WDR7: variants seen among roughly 807,000 people sequenced by gnomAD.
WDR7 encodes the protein WD repeat-containing protein 7.
A neutral mutation model predicts 169.4 loss-of-function variants in WDR7; 46 were observed. The observed-to-expected ratio is 0.27, with a 90% confidence interval of 0.21 to 0.35. WDR7 has a LOEUF of 0.35. WDR7 is among the 10% of genes least tolerant of loss of function. WDR7 has a pLI of 1.00. For synonymous variants in WDR7, 612 were observed against 666.8 expected, an observed-to-expected ratio of 0.92 and a Z score of 1.27; for missense variants, 1,534 against 1,859.3, an observed-to-expected ratio of 0.83 and a Z score of 3.22.
At chr18:56,919,126 A>G (rs578016367) in intron 21 of WDR7, among the ~76,000 whole-genome samples, 4 of 152,176 alleles carry the variant, frequency 2.6e-5, no homozygotes, top group African/African-American at 7.2e-5. Flanking sequence ...ACCCCATTCA[A>G]TTCTCCCCTT....
intron 1 of WDR7, among the ~76,000 whole-genome samples, chr18:56,659,170 A>T (rs2024847827): frequency 7.7e-6 from 1 of 129,854 alleles, no homozygotes; most frequent in Non-Finnish European, 1.6e-5. Context: ...AGCGTAGGTA[A>T]AACCTGTAGC....
chr18:56,905,283 G>A (rs2046460449), intron 21 of WDR7, among the ~76,000 whole-genome samples: 1 of 152,072 alleles, frequency 6.6e-6, no homozygotes, highest in Non-Finnish European at 1.5e-5. Context: ...CGAGTAGCTG[G>A]GACTACAGTT....
intron 21 of WDR7, among the ~76,000 whole-genome samples, chr18:56,896,189 C>T (rs186317919): frequency 5.9e-4 from 89 of 151,664 alleles, no homozygotes; most frequent in African/African-American, 2.1e-3. Flanking sequence ...TTTTGAAACA[C>T]CTAGAGAGAT....
In WDR7 at chr18:56,794,117, G is replaced by T. The variant is rs553101523; in HGVS notation, c.3190+12461G>T. Among the ~76,000 whole-genome samples, 4 of 151,796 alleles carry T rather than the reference G, an allele frequency of 2.6e-5. No individual in the cohort carries two copies. In the East Asian group the frequency reaches 7.7e-4, roughly 29 times the overall value. On this transcript the variant is annotated intron_variant, in intron 19 of 27. Coordinates refer to ENST00000254442, the MANE Select transcript of WDR7 (RefSeq NM_015285.3). ...ATTTGTATCTTAGAATATATCAAAC[G>T]TAGAGAAAGGTGGAGAGTAATGTAA...
rs1278757003 is a variant in WDR7, at chr18:57,021,387, TGTG to T, written c.4269+539_4269+541del. Among the ~76,000 whole-genome samples, 252 of 152,342 alleles carry T rather than the reference TGTG, an allele frequency of 1.7e-3. No individual in the cohort carries two copies. The South Asian group carries it at 0.023, about 14-fold the overall frequency. On this transcript the variant is annotated intron_variant, in intron 27 of 27. Coordinates refer to ENST00000254442, the MANE Select transcript of WDR7 (RefSeq NM_015285.3). The stretch of plus-strand genomic sequence containing the variant: ...GGCCTTCACACTTGGTCCCTGGGTC[TGTG>T]ACTCTAACAGGGTGTAGGGCATAGG...
chr18:56,654,352 G>A (rs904140861), intron 1 of WDR7, among the ~76,000 whole-genome samples: 1 of 152,088 alleles, frequency 6.6e-6, no homozygotes, highest in Non-Finnish European at 1.5e-5. Context: ...GGATGGTCTC[G>A]ATCTCTTGAC....
Position 56,816,022 on chromosome 18 carries a change from T to TCA in WDR7, c.3191-9_3191-8insCA. On this transcript the variant is annotated splice_polypyrimidine_tract_variant and intron_variant, in intron 19 of 27. Transcript: ENST00000254442. The stretch of plus-strand genomic sequence containing the variant: ...TGAAGTGAAGCCTTGTGATTCATAT[T>TCA]TGTTTTAGCTGGAGTCACATCAGAA... 1 of 1,572,352 alleles carries TCA rather than the reference T, an allele frequency of 6.4e-7. No individual in the cohort carries two copies. The highest frequency in any genetic ancestry group is 8.6e-7 in the Non-Finnish European group (1 of 1,164,864).
At chr18:57,020,892 A>G in intron 27 of WDR7, 43 bp downstream of exon 27, 1 of 1,581,440 alleles carries the variant, frequency 6.3e-7, no homozygotes, top group Non-Finnish European at 8.7e-7. Flanking sequence ...ATACTGCGTG[A>G]TATGCCTTTG....
chr18:56,687,070 G>A (rs1289741937), intron 7 of WDR7, 96 bp downstream of exon 7: 4 of 1,172,448 alleles, frequency 3.4e-6, no homozygotes, highest in Non-Finnish European at 4.7e-6. Flanking sequence ...CTTGGTGCAA[G>A]ACTATTTTCA....
intron 26 of WDR7, among the ~76,000 whole-genome samples, chr18:56,979,226 A>G (rs2047608427): frequency 1.3e-5 from 2 of 152,188 alleles, no homozygotes; most frequent in South Asian, 4.1e-4. Flanking sequence ...ACCTAAAATC[A>G]TAACATTTTA....
rs1240311032 is a variant in WDR7 at position 56,933,380 on chromosome 18, A to G, written c.3714-2408A>G. ...AAGTTGGTCATTTTTGTGCCCACAC[A>G]TAAGACTTCTTATTTAGCTGAGTTT... is the stretch of plus-strand genomic sequence containing the variant. On this transcript the variant is annotated intron_variant, in intron 22 of 27. Transcript: ENST00000254442. 3.3e-5 allele frequency among the ~76,000 whole-genome samples: 5 copies of G among 152,206 alleles called. No homozygotes were observed. The East Asian group carries it at 5.8e-4, about 18-fold the overall frequency.
At chr18:57,000,961 G>T (rs2047967719) in intron 26 of WDR7, among the ~76,000 whole-genome samples, 1 of 149,508 alleles carries the variant, frequency 6.7e-6, no homozygotes, top group Non-Finnish European at 1.5e-5. Flanking sequence ...ACTTTAGGAG[G>T]CCAACATGGG....
intron 21 of WDR7, among the ~76,000 whole-genome samples, chr18:56,911,869 G>C (rs1037934454): frequency 2.0e-5 from 3 of 152,174 alleles, no homozygotes; most frequent in Admixed American, 1.3e-4. Context: ...ATTTTTGGTT[G>C]ACATTAATGG....
chr18:56,741,620 T>C (rs1247235207), intron 14 of WDR7, among the ~76,000 whole-genome samples: 1 of 152,186 alleles, frequency 6.6e-6, no homozygotes, highest in Non-Finnish European at 1.5e-5. Flanking sequence ...GCATCATGTG[T>C]GTATATTTCA....
At chr18:56,740,398 T>C (rs2043599931) in intron 14 of WDR7, among the ~76,000 whole-genome samples, 1 of 152,194 alleles carries the variant, frequency 6.6e-6, no homozygotes, top group Non-Finnish European at 1.5e-5. Flanking sequence ...CTGGTGACTC[T>C]CTTTTAATTG....
chr18:56,667,210 T>TAGTC (rs1298927545), intron 1 of WDR7, among the ~76,000 whole-genome samples: 2 of 152,188 alleles, frequency 1.3e-5, no homozygotes, highest in Non-Finnish European at 2.9e-5. Context: ...TGGAAAGCAA[T>TAGTC]AGTCTTCTTG....
chr18:56,796,236 A>G (rs2044584052), intron 19 of WDR7, among the ~76,000 whole-genome samples: 1 of 152,196 alleles, frequency 6.6e-6, no homozygotes, highest in Admixed American at 6.5e-5. Flanking sequence ...ATCTTCAGGC[A>G]ACTAAGAGGT....
chr18:56,757,753 C>CT (rs1280594987), intron 15 of WDR7, among the ~76,000 whole-genome samples: 3 of 152,074 alleles, frequency 2.0e-5, no homozygotes. Context: ...AGGAGGATCA[C>CT]TTGAAGCCAG....
chr18:56,950,294 G>A (rs1156896667), intron 25 of WDR7, among the ~76,000 whole-genome samples: 6 of 152,266 alleles, frequency 3.9e-5, no homozygotes, highest in African/African-American at 1.4e-4. Context: ...CTGTTCTGTT[G>A]TTTTGCTCAC....
Sources: gnomAD v4.1 joint callset for allele counts (sites outside exome capture counted in the v4.1 genomes callset) on GRCh38, gnomAD v4.1.1 for gene constraint, MANE v1.5 for transcripts, NCBI Gene and HGNC (gene_info 2026-07-23, HGNC 2026-07-21) for gene names.